The following PLD2 variants were observed in gnomAD, a reference collection of about 807,000 sequenced individuals.
The protein encoded by PLD2 is phospholipase D2.
A neutral mutation model predicts 119.8 loss-of-function variants in PLD2; 101 were observed. That is an observed-to-expected ratio of 0.84 (90% CI 0.72 to 0.99). The LOEUF (loss-of-function observed/expected upper bound fraction) is 0.99, where lower values mean the gene tolerates loss of function less well. Ranked by LOEUF, PLD2 falls within the 50% of genes least tolerant of loss-of-function variation. The probability of loss-of-function intolerance (pLI) is 0.00; values close to 1 mark genes in which losing one functional copy is unlikely to be tolerated. For missense variants in PLD2, 1,164 were observed against 1,226.8 expected (o/e 0.95, Z 0.76); for synonymous variants, 494 against 482.8 (o/e 1.02, Z -0.30).
chr17:4,818,258 G>A (rs1188548346), intron 18 of PLD2, 39 bp from the exon 19 acceptor site: 5 of 1,574,514 alleles, frequency 3.2e-6, no homozygotes, highest in Non-Finnish European at 4.4e-6. Context: ...CAGGGCCAGG[G>A]GCCAGGCTGC....
At chr17:4,813,476 A>G (rs1189143774) in intron 10 of PLD2, among the ~76,000 whole-genome samples, 1 of 152,252 alleles carries the variant, frequency 6.6e-6, no homozygotes, top group Non-Finnish European at 1.5e-5. Context: ...GATGAACACA[A>G]CATTTGCCTA....
In PLD2 at chr17:4,815,897, C is replaced by A; in HGVS notation, c.1418C>A (p.Thr473Asn). The change falls in exon 14 of 25, where the codon ACT (threonine) becomes AAT (asparagine). Residue 473 changes from threonine (T) to asparagine (N), a missense_variant. Thr to Asn is a moderately conservative substitution (Grantham distance 65, BLOSUM62 0). Transcript: ENST00000263088. ...GRWDDLHYRL[T>N]DLGDSSESAA... ...TGGGATGACCTGCACTACCGACTGA[C>A]TGACCTTGGAGACTCCTCTGAATCA... 2 of 1,614,118 alleles carry A rather than the reference C, an allele frequency of 1.2e-6. No homozygotes were observed. The highest frequency in any genetic ancestry group is 1.7e-6 in the Non-Finnish European group (2 of 1,179,998).
rs200658185 is a variant in PLD2 at position 4,818,027 on chromosome 17, C to T, written c.1841C>T (p.Ser614Leu). Reference protein sequence around the residue: ...VQVLRSVDRWSAGTLENSILN... With the variant: ...VQVLRSVDRWLAGTLENSILN... ...GTCTTGCGATCAGTGGACCGCTGGT[C>T]AGCAGGGACTCTGGAGAACTCCATC... Residue 614 changes from serine (S) to leucine (L), a missense_variant, in exon 18 of 25, where the codon TCA becomes TTA. Ser to Leu is a moderately radical substitution (Grantham distance 145). Coordinates refer to ENST00000263088, the MANE Select transcript of PLD2 (RefSeq NM_002663.5). The T allele has an allele frequency of 1.9e-6, 3 of 1,613,696 alleles. No individual in the cohort carries two copies. Among genetic ancestry groups the T allele is most frequent in the Non-Finnish European group, 2.5e-6 (3 of 1,179,564 alleles).
chr17:4,808,529 G>GAC lies in PLD2; in HGVS notation c.383+113_383+114insAC. 2 of 1,014,370 alleles carry GAC rather than the reference G, an allele frequency of 2.0e-6. No homozygotes were observed. Among genetic ancestry groups the GAC allele is most frequent in the Non-Finnish European group, 3.0e-6 (2 of 673,002 alleles). 62.8% of individuals were successfully genotyped at this position (1,014,370 alleles called of 1,614,324 possible). A position where few individuals can be genotyped will look rare whatever the true frequency, so the allele number is the denominator to read the frequency against. ...TCCCTGCAACTCTGGCCACTGTGCT[G>GAC]CCTCCCCTGACCCCAGTTACCAGGA... On this transcript the variant is annotated intron_variant, in intron 4 of 24. Coordinates refer to ENST00000263088, the MANE Select transcript of PLD2 (RefSeq NM_002663.5). The surrounding 1 kb of genome is among the most constrained non-coding windows in gnomAD (Gnocchi z 4.1).
chr17:4,813,128 G>C (rs533124948), intron 10 of PLD2, among the ~76,000 whole-genome samples: 4 of 152,202 alleles, frequency 2.6e-5, no homozygotes, highest in Non-Finnish European at 4.4e-5. Context: ...TCCTGCCTCG[G>C]CCTCCTGAGT....
chr17:4,819,728 C>T lies in PLD2; in HGVS notation c.2462+146C>T. ...TCTCAATAGGCAAGGCTGGGCGCGG[C>T]AGCTCACGCCTCTAATCCCAGCACT... On this transcript the variant is annotated intron_variant, in intron 23 of 24. Coordinates refer to ENST00000263088, the MANE Select transcript of PLD2 (RefSeq NM_002663.5). This position sits in a 1 kb window ranked among gnomAD's most constrained non-coding sequence, Gnocchi z 4.2. 1 of 794,654 alleles carries T rather than the reference C, an allele frequency of 1.3e-6. No individual in the cohort carries two copies. The highest frequency in any genetic ancestry group is 1.9e-6 in the Non-Finnish European group (1 of 519,162). 49.2% of individuals were successfully genotyped at this position (794,654 alleles called of 1,614,324 possible).
At position 4,807,407 on chromosome 17, in the gene PLD2, G is replaced by A. The variant is rs534152239; in HGVS notation, c.-2+182G>A. Among the ~76,000 whole-genome samples the A allele has an allele frequency of 1.4e-4, 21 of 152,212 alleles. No homozygotes were observed. The highest frequency in any genetic ancestry group is 1.2e-3 in the Admixed American group (18 of 15,298). Reference sequence around the variant, plus strand: ...CTGGACCCCTGCCCCCGGCCCGCCTGGCCTGGCGTGAGCCCCGTAGCCGCG... The same window carrying A: ...CTGGACCCCTGCCCCCGGCCCGCCTAGCCTGGCGTGAGCCCCGTAGCCGCG... On this transcript the variant is annotated intron_variant, in intron 1 of 24. Transcript: ENST00000263088. This position sits in a 1 kb window ranked among gnomAD's most constrained non-coding sequence, Gnocchi z 5.4.
intron 10 of PLD2, 68 bp from the exon 11 acceptor site, chr17:4,814,350 C>T (rs960100826): frequency 2.0e-5 from 31 of 1,550,510 alleles, no homozygotes; most frequent in African/African-American, 1.9e-4. Flanking sequence ...GACTGTCCTC[C>T]GGTCTTCACT....
chr17:4,818,175 G>A (rs1907230952), intron 18 of PLD2, 69 bp downstream of exon 18: 10 of 1,417,912 alleles, frequency 7.1e-6, no homozygotes, highest in South Asian at 1.2e-5. Context: ...GGGAATGAGT[G>A]GAGTCAGTCA....
Position 4,822,689 on chromosome 17 carries a change from G to T in PLD2, c.2627G>T (p.Arg876Leu). 6.2e-7 allele frequency: 1 copy of T among 1,614,052 alleles called. No homozygotes were observed. Among genetic ancestry groups the T allele is most frequent in the Non-Finnish European group, 8.5e-7 (1 of 1,180,008 alleles). ...SNATRSLRTLREYVAVEPLAT... is the reference protein window; with the variant it reads ...SNATRSLRTLLEYVAVEPLAT... ...GCCACGCGTTCCCTGCGGACTCTCC[G>T]GGAGTACGTGGCCGTGGAGCCCTTG... is the stretch of plus-strand genomic sequence containing the variant. The change falls in exon 25 of 25, where the codon CGG becomes CTG. Residue 876 changes from arginine (R) to leucine (L), a missense_variant. Transcript: ENST00000263088.
Position 4,807,845 on chromosome 17 carries a change from G to A in PLD2, c.73G>A (p.Asp25Asn), listed in dbSNP as rs781341198. 2.5e-6 allele frequency: 4 copies of A among 1,613,222 alleles called. No individual in the cohort carries two copies. Among genetic ancestry groups the A allele is most frequent in the Non-Finnish European group, 3.4e-6 (4 of 1,179,570 alleles). The change falls in exon 2 of 25, where the codon GAT becomes AAT. Residue 25 changes from aspartate (D) to asparagine (N), a missense_variant. Asp to Asn is a conservative substitution (Grantham distance 23, BLOSUM62 1). Transcript: ENST00000263088. This position sits in a 1 kb window ranked among gnomAD's most constrained non-coding sequence, Gnocchi z 5.4. The part of the protein sequence containing the change: ...LDSSQLQMES[D>N]EVDTLKEGED... ...CTCCAGCCAGCTCCAGATGGAGTCC[G>A]ATGAGGTGGACACCCTGAAGGAGGG...
intron 15 of PLD2, 79 bp downstream of exon 15, chr17:4,816,825 A>T (rs1359992171): frequency 1.7e-5 from 27 of 1,604,662 alleles, no homozygotes; most frequent in Non-Finnish European, 2.1e-5. Context: ...GAGTGGGATG[A>T]GAGGGGTCAA....
Position 4,815,381 on chromosome 17 carries a change from C to T in PLD2, c.1174-95C>T, listed in dbSNP as rs1597329212. 10 of 778,116 alleles carry T rather than the reference C, an allele frequency of 1.3e-5. No individual in the cohort carries two copies. In the East Asian group the frequency reaches 2.5e-4, roughly 19 times the overall value. 48.2% of individuals were successfully genotyped at this position (778,116 alleles called of 1,614,324 possible). On this transcript the variant is annotated intron_variant, in intron 12 of 24. Transcript: ENST00000263088. ...TGGCAGAGCCTCTAGGATCTCCAGA[C>T]AAGCTGGAGGGACACACGTGGAAAA... is the stretch of plus-strand genomic sequence containing the variant.
chr17:4,816,272 A>T (rs976758857), intron 14 of PLD2, among the ~76,000 whole-genome samples: 3 of 151,672 alleles, frequency 2.0e-5, no homozygotes, highest in African/African-American at 7.3e-5. Context: ...CATTGAAGCT[A>T]CTCGGGAGGC....
intron 18 of PLD2, 92 bp from the exon 19 acceptor site, chr17:4,818,205 A>G: frequency 7.0e-7 from 1 of 1,424,670 alleles, no homozygotes. Flanking sequence ...GGTGGAGCAG[A>G]AGCAGACGCC....
In PLD2 at chr17:4,817,012, G is replaced by A. The variant is rs146224113; in HGVS notation, c.1658G>A (p.Arg553Gln). ...GTGGTCGTCCATGGCCTACCGGCCC[G>A]GGACCTTGCCCGGCACTTCATCCAG... ...VGVVVHGLPA[R>Q]DLARHFIQRW... Residue 553 changes from arginine to glutamine, a missense_variant, in exon 16 of 25, where the codon CGG (arginine) becomes CAG (glutamine). By Grantham distance (43) the Arg-to-Gln change is conservative. Transcript: ENST00000263088. 8.7e-4 allele frequency: 1,407 copies of A among 1,613,906 alleles called. 7 individuals are homozygous for A. In the African/African-American group the frequency reaches 0.015, roughly 18 times the overall value.
At position 4,809,789 on chromosome 17, in the gene PLD2, G is replaced by A; in HGVS notation, c.707+6G>A. On this transcript the variant is annotated splice_donor_region_variant and intron_variant, in intron 8 of 24. Transcript: ENST00000263088. The stretch of plus-strand genomic sequence containing the variant: ...TGTTATCGCTGGTCCAAGAGGTACG[G>A]GCTATGGCCAAGCAGCTGGGCAGTG... 6.2e-7 allele frequency: 1 copy of A among 1,614,160 alleles called. No individual in the cohort carries two copies. The highest frequency in any genetic ancestry group is 8.5e-7 in the Non-Finnish European group (1 of 1,180,026).
At position 4,810,947 on chromosome 17, in the gene PLD2, C is replaced by G. The variant is rs149827932; in HGVS notation, c.1006C>G (p.Arg336Gly). The change falls in exon 10 of 25, where the codon CGG (arginine) becomes GGG (glycine). Residue 336 changes from arginine to glycine, a missense_variant. Transcript: ENST00000263088. ...CCCACCCCGGCCTGGGACCTTGGCC[C>G]GGTGGTGAGACACTGACATCCCTTC... ...YAPPRPGTLA[R>G]WFVNGAGYFA... 1.0e-4 allele frequency: 163 copies of G among 1,608,628 alleles called. No individual in the cohort carries two copies. The highest frequency in any genetic ancestry group is 1.4e-4 in the Non-Finnish European group (160 of 1,178,778).
At position 4,817,213 on chromosome 17, in the gene PLD2, A is replaced by T; in HGVS notation, c.1769A>T (p.Asn590Ile). The T allele has an allele frequency of 6.2e-7, 1 of 1,613,900 alleles. No homozygotes were observed. The highest frequency in any genetic ancestry group is 8.5e-7 in the Non-Finnish European group (1 of 1,179,900). The part of the protein sequence containing the change: ...YLLPKSTSTA[N>I]QLPFTLPGGQ... ...CTTCCCAAGTCTACCAGCACGGCCAATCAGCTCCCCTTCACACTTCCAGGA... is the reference window on the plus strand; with the variant it reads ...CTTCCCAAGTCTACCAGCACGGCCATTCAGCTCCCCTTCACACTTCCAGGA... The change falls in exon 17 of 25, where the codon AAT becomes ATT. Residue 590 changes from asparagine to isoleucine, a missense_variant. By Grantham distance (149) the Asn-to-Ile change is moderately radical (BLOSUM62 -3). Coordinates refer to ENST00000263088, the MANE Select transcript of PLD2 (RefSeq NM_002663.5).
Sources: allele counts gnomAD v4.1 joint callset (sites outside exome capture counted in the v4.1 genomes callset), GRCh38; gene constraint gnomAD v4.1.1; non-coding constraint Gnocchi (gnomAD v3.1); transcripts MANE v1.5; gene names NCBI Gene and HGNC (gene_info 2026-07-23, HGNC 2026-07-21).